TMEM132C: variants seen among roughly 807,000 people sequenced by gnomAD.
TMEM132C encodes the protein transmembrane protein 132C.
TMEM132C carries 29 observed loss-of-function variants against 61.4 expected under a neutral mutation model. The observed-to-expected ratio is 0.47, with a 90% CI of 0.35 to 0.64. The LOEUF (loss-of-function observed/expected upper bound fraction) is 0.64. TMEM132C is among the 30% of genes least tolerant of loss of function. The probability of loss-of-function intolerance (pLI) is 0.00; values close to 1 mark genes in which losing one functional copy is unlikely to be tolerated. For synonymous variants in TMEM132C, 656 were observed against 633.1 expected, an observed-to-expected ratio of 1.04 and a Z score of -0.54; for missense variants, 1,408 against 1,476.9, an observed-to-expected ratio of 0.95 and a Z score of 0.76.
intron 1 of TMEM132C, among the ~76,000 whole-genome samples, chr12:128,390,174 T>A (rs1178260510): frequency 6.6e-6 from 1 of 152,134 alleles, no homozygotes; most frequent in Admixed American, 6.5e-5. Context: ...CCCGGCAGGT[T>A]ATTCGTTTTC....
intron 1 of TMEM132C, among the ~76,000 whole-genome samples, chr12:128,394,856 G>A (rs1874887060): frequency 6.8e-6 from 1 of 147,812 alleles, no homozygotes; most frequent in African/African-American, 2.5e-5. Context: ...CTCTCTTAAA[G>A]CAGCATGTTA....
intron 3 of TMEM132C, among the ~76,000 whole-genome samples, chr12:128,574,483 C>T (rs575772527): frequency 6.6e-6 from 1 of 152,358 alleles, no homozygotes; most frequent in Non-Finnish European, 1.5e-5. Flanking sequence ...TTGCACATGA[C>T]TTCTTGTTCC....
chr12:128,295,319 G>A (rs968116047), intron 1 of TMEM132C, among the ~76,000 whole-genome samples: 1 of 152,118 alleles, frequency 6.6e-6, no homozygotes, highest in Non-Finnish European at 1.5e-5. Context: ...TTACAAGTGT[G>A]AGTCAACACA....
intron 4 of TMEM132C, among the ~76,000 whole-genome samples, chr12:128,631,502 T>G (rs1289316843): frequency 6.6e-6 from 1 of 152,190 alleles, no homozygotes; most frequent in Non-Finnish European, 1.5e-5. Context: ...GGGCTACTTT[T>G]TTTCAGATTG....
intron 1 of TMEM132C, among the ~76,000 whole-genome samples, chr12:128,314,242 A>T (rs1872074458): frequency 6.6e-6 from 1 of 152,176 alleles, no homozygotes; most frequent in South Asian, 2.1e-4. Context: ...TGTGTTGTCC[A>T]TTTCTGTCTT....
intron 3 of TMEM132C, among the ~76,000 whole-genome samples, chr12:128,547,421 G>T (rs1047580528): frequency 6.6e-6 from 1 of 150,730 alleles, no homozygotes; most frequent in African/African-American, 2.4e-5. Flanking sequence ...AAAATTAGCC[G>T]GGCGTGGTGG....
chr12:128,372,142 A>T (rs935762469), intron 1 of TMEM132C, among the ~76,000 whole-genome samples: 5 of 152,202 alleles, frequency 3.3e-5, no homozygotes, highest in African/African-American at 1.2e-4. Context: ...CCATGAAGGG[A>T]GGTCCTGTCT....
chr12:128,401,807 G>A (rs1453724681), intron 1 of TMEM132C, among the ~76,000 whole-genome samples: 2 of 152,162 alleles, frequency 1.3e-5, no homozygotes, highest in Non-Finnish European at 2.9e-5. Flanking sequence ...GAACAGTCTC[G>A]TGCTGTGCAG....
chr12:128,483,321 A>AGG (rs375658972), intron 2 of TMEM132C, among the ~76,000 whole-genome samples: 483 of 63,790 alleles, frequency 7.6e-3, no homozygotes, highest in Non-Finnish European at 8.9e-3. Flanking sequence ...AGGGGAGAGG[A>AGG]GGGGAGGGTG....
chr12:128,627,955 G>A (rs900296305), intron 4 of TMEM132C, among the ~76,000 whole-genome samples: 3 of 152,252 alleles, frequency 2.0e-5, no homozygotes, highest in Non-Finnish European at 1.5e-5. Context: ...GGATGTAGGT[G>A]TAGGTGCAGG....
intron 1 of TMEM132C, among the ~76,000 whole-genome samples, chr12:128,345,230 A>G (rs749376733): frequency 3.9e-5 from 6 of 152,176 alleles, no homozygotes; most frequent in Admixed American, 6.5e-5. Context: ...TGCGAAGTAC[A>G]TGATCTCATT....
intron 5 of TMEM132C, among the ~76,000 whole-genome samples, chr12:128,689,018 A>G (rs1359916247): frequency 6.6e-6 from 1 of 151,718 alleles, no homozygotes; most frequent in East Asian, 1.9e-4. Flanking sequence ...GGGTTTCACC[A>G]TGTTGGCCAG....
At chr12:128,705,062 G>T in intron 8 of TMEM132C, 28 bp from the exon 9 acceptor site, 4 of 1,492,352 alleles carry the variant, frequency 2.7e-6, no homozygotes, top group Non-Finnish European at 3.6e-6. Flanking sequence ...TCCCCCAGGT[G>T]GTCTTCTAAC....
intron 2 of TMEM132C, among the ~76,000 whole-genome samples, chr12:128,538,433 A>C (rs962863590): frequency 1.3e-5 from 2 of 152,022 alleles, no homozygotes; most frequent in Admixed American, 6.6e-5. Flanking sequence ...TAATTATTTT[A>C]TCTTTTTGTA....
intron 2 of TMEM132C, among the ~76,000 whole-genome samples, chr12:128,451,950 A>G (rs1870187039): frequency 1.3e-5 from 2 of 152,190 alleles, no homozygotes; most frequent in Non-Finnish European, 2.9e-5. Flanking sequence ...AAATACAGTG[A>G]TAAGTTGAAA....
Position 128,640,816 on chromosome 12 carries a change from G to C in TMEM132C, c.1305+24481G>C, listed in dbSNP as rs141023723. The stretch of plus-strand genomic sequence containing the variant: ...GTAGGAGGATCACTTGAGCCCAACA[G>C]GTTGGGCCGCAGTGAGCCATGATTA... On this transcript the variant is annotated intron_variant, in intron 4 of 8. Coordinates refer to ENST00000435159, the MANE Select transcript of TMEM132C (RefSeq NM_001136103.3). 2.6e-3 allele frequency among the ~76,000 whole-genome samples: 403 copies of C among 152,298 alleles called. 4 individuals are homozygous for C. Among genetic ancestry groups the C allele is most frequent in the Middle Eastern group, 0.01 (3 of 294 alleles).
chr12:128,533,600 G>A (rs1183079888), intron 2 of TMEM132C, among the ~76,000 whole-genome samples: 2 of 151,972 alleles, frequency 1.3e-5, no homozygotes, highest in African/African-American at 4.8e-5. Context: ...TTCTCTTCTG[G>A]TGTCTATCTC....
At chr12:128,677,860 A>G (rs945012646) in intron 5 of TMEM132C, among the ~76,000 whole-genome samples, 1 of 152,218 alleles carries the variant, frequency 6.6e-6, no homozygotes, top group African/African-American at 2.4e-5. Context: ...AAAATAATGC[A>G]TTTGGGCAAC....
intron 2 of TMEM132C, among the ~76,000 whole-genome samples, chr12:128,419,580 T>G (rs890122289): frequency 6.6e-6 from 1 of 151,000 alleles, no homozygotes; most frequent in East Asian, 1.9e-4. Flanking sequence ...ATCTTGTTTT[T>G]TTTTTTTTTT....
Sources: allele counts gnomAD v4.1 joint callset (sites outside exome capture counted in the v4.1 genomes callset), GRCh38; gene constraint gnomAD v4.1.1; transcripts MANE v1.5; gene names NCBI Gene and HGNC (gene_info 2026-07-23, HGNC 2026-07-21).